RALY: variants seen among roughly 807,000 people sequenced by gnomAD.
RALY encodes the protein RALY heterogeneous nuclear ribonucleoprotein.
Under a neutral mutation model 30.7 loss-of-function variants are expected in RALY, and 15 were observed. The ratio of observed to expected loss-of-function variants is 0.49; its 90% CI spans 0.33 to 0.75. The LOEUF is 0.75. RALY is among the 30% of genes least tolerant of loss of function. The probability of loss-of-function intolerance (pLI) is 0.02; values close to 1 mark genes in which losing one functional copy is unlikely to be tolerated. For missense variants in RALY, 339 were observed against 414.3 expected, an observed-to-expected ratio of 0.82 and a Z score of 1.58; for synonymous variants, 177 against 170.8, an observed-to-expected ratio of 1.04 and a Z score of -0.28.
intron 5 of RALY, among the ~76,000 whole-genome samples, chr20:34,074,138 C>T (rs1327283821): frequency 1.3e-5 from 2 of 152,170 alleles, no homozygotes; most frequent in Non-Finnish European, 2.9e-5. Context: ...ACCGTACAGC[C>T]AAGAGCTATG....
intron 1 of RALY, among the ~76,000 whole-genome samples, chr20:34,028,741 A>T (rs1250518873): frequency 6.8e-6 from 1 of 146,208 alleles, no homozygotes; most frequent in Admixed American, 6.8e-5. Flanking sequence ...AAAACATGGC[A>T]GAGAGAGTGG....
At chr20:34,049,467 G>A (rs1204578825) in intron 2 of RALY, among the ~76,000 whole-genome samples, 1 of 152,128 alleles carries the variant, frequency 6.6e-6, no homozygotes, top group African/African-American at 2.4e-5. Context: ...GGCTAATTAA[G>A]AACCCCTGTA....
At chr20:34,058,194 G>C (rs1280958754) in intron 2 of RALY, among the ~76,000 whole-genome samples, 1 of 152,074 alleles carries the variant, frequency 6.6e-6, no homozygotes, top group Non-Finnish European at 1.5e-5. Flanking sequence ...GAGTTTAGAA[G>C]TTCACTAGGC....
chr20:34,032,553 T>A (rs2032325301), intron 2 of RALY, among the ~76,000 whole-genome samples: 1 of 152,016 alleles, frequency 6.6e-6, no homozygotes, highest in Non-Finnish European at 1.5e-5. Flanking sequence ...GGTCTCACTG[T>A]GTTGCCCAGG....
chr20:34,054,379 C>A (rs1277325805), intron 2 of RALY, among the ~76,000 whole-genome samples: 2 of 152,198 alleles, frequency 1.3e-5, no homozygotes, highest in African/African-American at 4.8e-5. Context: ...CAGTAGAGGT[C>A]AGCAGAGAGT....
intron 9 of RALY, among the ~76,000 whole-genome samples, chr20:34,078,791 G>T (rs2122338384): frequency 6.6e-6 from 1 of 152,270 alleles, no homozygotes; most frequent in South Asian, 2.1e-4. Flanking sequence ...ACCTAGCAAG[G>T]GTTCCTTCCC....
chr20:34,035,855 A>G (rs1338750657), intron 2 of RALY, among the ~76,000 whole-genome samples: 1 of 152,264 alleles, frequency 6.6e-6, no homozygotes, highest in South Asian at 2.1e-4. Context: ...TTATTAAAGA[A>G]GGCCTCTCAG....
chr20:34,023,578 G>T (rs538560659), intron 1 of RALY, among the ~76,000 whole-genome samples: 2 of 152,266 alleles, frequency 1.3e-5, no homozygotes, highest in East Asian at 1.9e-4. Flanking sequence ...TTAGTTCGAG[G>T]GGGTGGGGGT....
chr20:34,072,903 G>C (rs1310499497), intron 3 of RALY, among the ~76,000 whole-genome samples: 10 of 151,340 alleles, frequency 6.6e-5, no homozygotes, highest in Non-Finnish European at 2.9e-5. Flanking sequence ...GAGATATGTG[G>C]ACACAACCCT....
chr20:34,016,127 A>T (rs1343601654), intron 1 of RALY, among the ~76,000 whole-genome samples: 1 of 152,160 alleles, frequency 6.6e-6, no homozygotes, highest in Non-Finnish European at 1.5e-5. Flanking sequence ...CCCGTGCCAG[A>T]TGCCACACAC....
intron 1 of RALY, among the ~76,000 whole-genome samples, chr20:34,024,855 A>G (rs959348707): frequency 1.4e-4 from 21 of 152,208 alleles, no homozygotes; most frequent in African/African-American, 4.3e-4. Context: ...ACAAGAGTCA[A>G]GGTCAGGTAT....
chr20:34,012,875 G>A (rs914991315), intron 1 of RALY, among the ~76,000 whole-genome samples: 2 of 152,198 alleles, frequency 1.3e-5, no homozygotes, highest in East Asian at 1.9e-4. Flanking sequence ...GGATGTGCCA[G>A]GCTGTATCAT....
intron 2 of RALY, among the ~76,000 whole-genome samples, chr20:34,047,995 G>T (rs191011450): frequency 6.6e-6 from 1 of 152,322 alleles, no homozygotes. Context: ...TCCAGGCCAG[G>T]CTTTATTGTG....
chr20:34,078,902 A>G (rs1462539148), intron 9 of RALY, among the ~76,000 whole-genome samples: 4 of 152,178 alleles, frequency 2.6e-5, no homozygotes, highest in South Asian at 2.1e-4. Flanking sequence ...CAGGATAACA[A>G]TAGAGCGAGG....
chr20:34,054,192 C>T (rs1205647722), intron 2 of RALY, among the ~76,000 whole-genome samples: 2 of 152,220 alleles, frequency 1.3e-5, no homozygotes, highest in Non-Finnish European at 2.9e-5. Flanking sequence ...AAACCATTTA[C>T]TGAAAAACGC....
intron 2 of RALY, 28 bp from the exon 3 acceptor site, chr20:34,072,038 C>G (rs1568695311): frequency 3.1e-6 from 5 of 1,606,138 alleles, no homozygotes; most frequent in Non-Finnish European, 4.3e-6. Context: ...CCCAGGGACC[C>G]AGCTTCACCG....
At chr20:33,994,655 A>T (rs2030511000) in intron 1 of RALY, among the ~76,000 whole-genome samples, 1 of 151,882 alleles carries the variant, frequency 6.6e-6, no homozygotes, top group Non-Finnish European at 1.5e-5. Context: ...TTGGGCTCGG[A>T]GAGAAACAAC....
rs543319917 is a variant in RALY, at chr20:34,033,591, AAG to A, written c.-10+1992_-10+1993del. Among the ~76,000 whole-genome samples the A allele has an allele frequency of 1.8e-4, 27 of 152,232 alleles. 1 individual carries two copies. In the South Asian group the frequency reaches 5.4e-3, roughly 30 times the overall value. ...TTAACAACCATCTCTTACTGGAACA[AAG>A]AGAGTGAGAATTCACTCACTTCCCC... On this transcript the variant is annotated intron_variant, in intron 2 of 9. Transcript: ENST00000246194.
At chr20:34,065,549 A>G (rs2033545833) in intron 2 of RALY, among the ~76,000 whole-genome samples, 1 of 152,212 alleles carries the variant, frequency 6.6e-6, no homozygotes, top group Admixed American at 6.5e-5. Flanking sequence ...CTGGCCAGTA[A>G]CAATCATTTG....
Sources: gnomAD v4.1 joint callset for allele counts (sites outside exome capture counted in the v4.1 genomes callset) on GRCh38, gnomAD v4.1.1 for gene constraint, MANE v1.5 for transcripts, NCBI Gene and HGNC (gene_info 2026-07-23, HGNC 2026-07-21) for gene names.